Variants in MICU2 observed in about 807,000 individuals in gnomAD.
MICU2 encodes mitochondrial calcium uptake 2.
MICU2 carries 64 observed loss-of-function variants against 60.4 expected under a neutral mutation model. The ratio of observed to expected loss-of-function variants is 1.06; its 90% CI spans 0.87 to 1.31. The LOEUF is 1.31. MICU2 is among the 50% of genes most tolerant of loss of function. The pLI is 0.00. For synonymous variants in MICU2, 201 were observed against 175.0 expected, an observed-to-expected ratio of 1.15 and a Z score of -1.17; for missense variants, 569 against 531.0, an observed-to-expected ratio of 1.07 and a Z score of -0.70.
In MICU2 at chr13:21,584,515, T is replaced by C. The variant is rs566287367; in HGVS notation, c.211-17571A>G. Reference sequence around the variant, plus strand: ...TACACAACACACAAAGTTAATGATATCCATGTGGATAAATTTCAGATTTTA... The same window carrying C: ...TACACAACACACAAAGTTAATGATACCCATGTGGATAAATTTCAGATTTTA... On this transcript the variant is annotated intron_variant, in intron 1 of 11. Transcript: ENST00000382374. 2.0e-5 allele frequency among the ~76,000 whole-genome samples: 3 copies of C among 152,202 alleles called. No individual in the cohort carries two copies. In the South Asian group the frequency reaches 6.2e-4, roughly 32 times the overall value.
At chr13:21,577,870 T>TGAG (rs1888263254) in intron 1 of MICU2, among the ~76,000 whole-genome samples, 1 of 148,760 alleles carries the variant, frequency 6.7e-6, no homozygotes, top group Non-Finnish European at 1.5e-5. Context: ...TCCTAGCCAC[T>TGAG]GAGGAGGCTG....
chr13:21,598,863 A>T (rs1203441222), intron 1 of MICU2, among the ~76,000 whole-genome samples: 3 of 152,226 alleles, frequency 2.0e-5, no homozygotes, highest in Non-Finnish European at 2.9e-5. Context: ...AAGGAAATAC[A>T]ATAGTAACCA....
Position 21,566,786 on chromosome 13 carries a change from A to G in MICU2, c.358+11T>C, listed in dbSNP as rs769047337. On this transcript the variant is annotated intron_variant, in intron 2 of 11. Transcript: ENST00000382374. ...ATTTTTTTAATTAAAAAAAAAAAAG[A>G]CCCAACTCACGTTCCATTTGCTCAA... 3.1e-5 allele frequency: 47 copies of G among 1,529,338 alleles called. No homozygotes were observed. The South Asian group carries it at 4.3e-4, about 14-fold the overall frequency. The allele number at this position is 1,529,338 out of a possible 1,614,324, so 94.7% of individuals were successfully genotyped here.
At chr13:21,515,534 C>T (rs1246713956) in intron 6 of MICU2, 3 of 434,836 alleles carry the variant, frequency 6.9e-6, no homozygotes, top group Admixed American at 2.5e-5. Context: ...AAAAACCTAC[C>T]TGCCTTTCAG....
intron 2 of MICU2, among the ~76,000 whole-genome samples, chr13:21,558,944 A>C (rs915232958): frequency 3.3e-5 from 5 of 152,118 alleles, no homozygotes; most frequent in Non-Finnish European, 7.4e-5. Flanking sequence ...AGCCCTCTGA[A>C]TGGGTACTGA....
intron 4 of MICU2, among the ~76,000 whole-genome samples, chr13:21,533,285 T>A (rs966916596): frequency 7.2e-5 from 11 of 152,106 alleles, no homozygotes; most frequent in Middle Eastern, 3.4e-3. Flanking sequence ...TAGAATGATT[T>A]TATATATATA....
intron 1 of MICU2, among the ~76,000 whole-genome samples, chr13:21,586,471 G>C (rs775629362): frequency 6.6e-6 from 1 of 152,058 alleles, no homozygotes; most frequent in Non-Finnish European, 1.5e-5. Context: ...GTAACGGTGT[G>C]ATCATGGTTC....
intron 9 of MICU2, among the ~76,000 whole-genome samples, chr13:21,499,419 T>C (rs960818852): frequency 1.3e-5 from 2 of 151,984 alleles, no homozygotes; most frequent in Admixed American, 1.3e-4. Context: ...CACATTTCTT[T>C]TTTTTTTTGA....
intron 6 of MICU2, among the ~76,000 whole-genome samples, chr13:21,515,170 C>T (rs1472274008): frequency 6.6e-6 from 1 of 151,374 alleles, no homozygotes; most frequent in African/African-American, 2.4e-5. Flanking sequence ...CAAGCTCCGC[C>T]TCCCGGGTTC....
At chr13:21,499,933 G>A (rs959641013) in intron 9 of MICU2, among the ~76,000 whole-genome samples, 1 of 152,134 alleles carries the variant, frequency 6.6e-6, no homozygotes, top group Non-Finnish European at 1.5e-5. Flanking sequence ...GCTGAGGCAG[G>A]AGAATTGTTT....
chr13:21,590,559 G>A (rs1472896243), intron 1 of MICU2, among the ~76,000 whole-genome samples: 4 of 152,162 alleles, frequency 2.6e-5, no homozygotes, highest in African/African-American at 9.7e-5. Context: ...TCACACCCAG[G>A]AACTGAAAAT....
intron 1 of MICU2, among the ~76,000 whole-genome samples, chr13:21,588,180 G>C (rs895943785): frequency 5.3e-5 from 8 of 152,156 alleles, no homozygotes; most frequent in Non-Finnish European, 8.8e-5. Context: ...CATTTTACTA[G>C]AGGATCATAG....
chr13:21,509,928 A>G, intron 8 of MICU2, 76 bp downstream of exon 8: 1 of 830,348 alleles, frequency 1.2e-6, no homozygotes, highest in South Asian at 1.9e-5. Flanking sequence ...GCAGTTCTAG[A>G]AAATGAATAT....
intron 4 of MICU2, 21 bp downstream of exon 4, chr13:21,539,281 T>A: frequency 6.2e-7 from 1 of 1,608,460 alleles, no homozygotes; most frequent in Non-Finnish European, 8.5e-7. Flanking sequence ...AACTAGAAAT[T>A]TAACAACAAA....
chr13:21,499,049 C>G (rs147275597), intron 9 of MICU2, among the ~76,000 whole-genome samples: 237 of 152,284 alleles, frequency 1.6e-3, no homozygotes, highest in Non-Finnish European at 2.2e-3. Flanking sequence ...CTCCCTCATT[C>G]AAGCGATTCT....
At chr13:21,577,040 T>C (rs1444692014) in intron 1 of MICU2, among the ~76,000 whole-genome samples, 1 of 152,222 alleles carries the variant, frequency 6.6e-6, no homozygotes, top group African/African-American at 2.4e-5. Context: ...ATACTTCTTT[T>C]AAAAAATTCC....
At chr13:21,515,029 AT>A (rs542149096) in intron 6 of MICU2, among the ~76,000 whole-genome samples, 110 of 151,858 alleles carry the variant, frequency 7.2e-4, no homozygotes, top group Non-Finnish European at 6.6e-4. Flanking sequence ...TTTCAAGATA[AT>A]TTTTATTCAT....
At chr13:21,514,130 A>C (rs1191845834) in intron 7 of MICU2, among the ~76,000 whole-genome samples, 1 of 152,222 alleles carries the variant, frequency 6.6e-6, no homozygotes, top group Non-Finnish European at 1.5e-5. Context: ...ACAAACCTAG[A>C]TGGTATACCC....
Position 21,596,440 on chromosome 13 carries a change from T to G in MICU2, c.210+7499A>C, listed in dbSNP as rs189314867. 7.9e-5 allele frequency among the ~76,000 whole-genome samples: 12 copies of G among 151,874 alleles called. No homozygotes were observed. The East Asian group carries it at 2.1e-3, about 27-fold the overall frequency. ...GCCACATTCAGGTTCTTTTTTTTTTTTGAGACAGAGTCTGGCTCTGTCACC... is the reference window on the plus strand; with the variant it reads ...GCCACATTCAGGTTCTTTTTTTTTTGTGAGACAGAGTCTGGCTCTGTCACC... On this transcript the variant is annotated intron_variant, in intron 1 of 11. Coordinates refer to ENST00000382374, the MANE Select transcript of MICU2 (RefSeq NM_152726.3).
Sources: gnomAD v4.1 joint callset for allele counts (sites outside exome capture counted in the v4.1 genomes callset) on GRCh38, gnomAD v4.1.1 for gene constraint, MANE v1.5 for transcripts, NCBI Gene and HGNC (gene_info 2026-07-23, HGNC 2026-07-21) for gene names.